STAG1: variants seen among roughly 807,000 people sequenced by gnomAD.
STAG1 encodes the protein STAG1 cohesin complex component, also known as cohesin subunit SA-1.
A neutral mutation model predicts 170.9 loss-of-function variants in STAG1; 26 were observed. The observed-to-expected ratio is 0.15, with a 90% CI of 0.11 to 0.21. STAG1 has a LOEUF of 0.21. Ranked by LOEUF, STAG1 falls within the 10% of genes least tolerant of loss-of-function variation. The pLI, the probability that STAG1 is intolerant of heterozygous loss-of-function variation, is 1.00. For missense variants in STAG1, 964 were observed against 1,509.5 expected, an observed-to-expected ratio of 0.64 and a Z score of 5.99; for synonymous variants, 514 against 497.7, an observed-to-expected ratio of 1.03 and a Z score of -0.44.
chr3:136,674,430 A>G (rs2107879605), intron 1 of STAG1, among the ~76,000 whole-genome samples: 1 of 152,332 alleles, frequency 6.6e-6, no homozygotes, highest in African/African-American at 2.4e-5. Flanking sequence ...ATCTATGTGA[A>G]ATTCTGTAGA....
intron 13 of STAG1, among the ~76,000 whole-genome samples, chr3:136,462,509 G>A (rs2089302471): frequency 6.6e-6 from 1 of 152,176 alleles, no homozygotes; most frequent in Non-Finnish European, 1.5e-5. Flanking sequence ...TGGAGGGGCA[G>A]TAGAATGATC....
rs372736515 is a variant in STAG1, at chr3:136,497,595, C to T, written c.902+2628G>A. Among the ~76,000 whole-genome samples the T allele has an allele frequency of 2.2e-4, 34 of 152,230 alleles. No homozygotes were observed. In the East Asian group the frequency reaches 6.4e-3, roughly 29 times the overall value. On this transcript the variant is annotated intron_variant, in intron 9 of 33. Coordinates refer to ENST00000383202, the MANE Select transcript of STAG1 (RefSeq NM_005862.3). Reference sequence around the variant, plus strand: ...ATGGCTCATGCCTGTAACCCCAGCACTTTGGGAGGCCGAGGCGGGCGGATC... The same window carrying T: ...ATGGCTCATGCCTGTAACCCCAGCATTTTGGGAGGCCGAGGCGGGCGGATC...
At chr3:136,723,033 C>G (rs1174681305) in intron 1 of STAG1, among the ~76,000 whole-genome samples, 2 of 152,158 alleles carry the variant, frequency 1.3e-5, no homozygotes, top group Admixed American at 6.6e-5. Flanking sequence ...GCGTGATCTC[C>G]GCTCGCTACA....
At chr3:136,618,401 A>G (rs1939692628) in intron 3 of STAG1, among the ~76,000 whole-genome samples, 1 of 152,156 alleles carries the variant, frequency 6.6e-6, no homozygotes, top group Non-Finnish European at 1.5e-5. Flanking sequence ...GTAAGGGCGC[A>G]CCCTTCTATA....
chr3:136,596,302 CA>C (rs1183684794), intron 4 of STAG1, among the ~76,000 whole-genome samples: 1 of 152,186 alleles, frequency 6.6e-6, no homozygotes, highest in Non-Finnish European at 1.5e-5. Flanking sequence ...GATCAGTCGG[CA>C]GCTATCAACA....
chr3:136,659,842 T>C (rs996186797), intron 1 of STAG1, among the ~76,000 whole-genome samples: 34 of 152,180 alleles, frequency 2.2e-4, no homozygotes, highest in Non-Finnish European at 3.1e-4. Context: ...AAAATTGTCA[T>C]GAAATCTTAC....
At chr3:136,704,464 A>G (rs1247871304) in intron 1 of STAG1, among the ~76,000 whole-genome samples, 1 of 152,198 alleles carries the variant, frequency 6.6e-6, no homozygotes, top group Admixed American at 6.5e-5. Context: ...TGCAAACAGT[A>G]ACCAAAAGAG....
intron 5 of STAG1, among the ~76,000 whole-genome samples, chr3:136,545,069 G>A (rs1192084083): frequency 4.6e-5 from 7 of 150,896 alleles, no homozygotes; most frequent in Non-Finnish European, 8.8e-5. Flanking sequence ...TTTTTTTTGA[G>A]ATTGTGTCTT....
intron 3 of STAG1, among the ~76,000 whole-genome samples, chr3:136,615,311 A>C (rs1050832851): frequency 3.3e-5 from 5 of 150,914 alleles, no homozygotes; most frequent in Non-Finnish European, 7.4e-5. Context: ...ATAAAATATT[A>C]GGTGTAATAT....
At chr3:136,741,186 T>A (rs1934651069) in intron 1 of STAG1, among the ~76,000 whole-genome samples, 1 of 152,236 alleles carries the variant, frequency 6.6e-6, no homozygotes, top group Non-Finnish European at 1.5e-5. Context: ...GGGATTTCAC[T>A]ACTTGTGCAG....
Position 136,349,114 on chromosome 3 carries a change from T to C in STAG1, c.3271+44A>G, listed in dbSNP as rs752097449. 5 of 1,443,632 alleles carry C rather than the reference T, an allele frequency of 3.5e-6. No homozygotes were observed. The African/African-American group carries it at 5.6e-5, about 16-fold the overall frequency. The allele number at this position is 1,443,632 out of a possible 1,614,324, so 89.4% of individuals were successfully genotyped here. On this transcript the variant is annotated intron_variant, in intron 29 of 33. Transcript: ENST00000383202. ...AAGATTATTTACTACTTTATCTCTT[T>C]AAAACCAGGCAAATTGTTTCTTATA... is the stretch of plus-strand genomic sequence containing the variant.
intron 12 of STAG1, among the ~76,000 whole-genome samples, chr3:136,465,326 TC>T (rs2089421630): frequency 6.6e-6 from 1 of 150,842 alleles, no homozygotes; most frequent in Non-Finnish European, 1.5e-5. Context: ...TTCAACTGAT[TC>T]TCCTGCCTCA....
chr3:136,470,679 G>T (rs529521000), intron 12 of STAG1, among the ~76,000 whole-genome samples: 2 of 152,274 alleles, frequency 1.3e-5, no homozygotes, highest in South Asian at 4.1e-4. Context: ...TAAGACACAT[G>T]CATACATATG....
chr3:136,716,523 G>T (rs991707348), intron 1 of STAG1, among the ~76,000 whole-genome samples: 6 of 152,206 alleles, frequency 3.9e-5, no homozygotes, highest in African/African-American at 1.4e-4. Context: ...GCTCATGCTT[G>T]TAATGCCAAC....
chr3:136,540,440 T>C (rs904946394), intron 6 of STAG1, among the ~76,000 whole-genome samples: 1 of 152,200 alleles, frequency 6.6e-6, no homozygotes, highest in Non-Finnish European at 1.5e-5. Context: ...GTAATTTCAC[T>C]TGCAACGTAA....
At chr3:136,553,511 CATGCCTGTA>C (rs1276009099) in intron 5 of STAG1, among the ~76,000 whole-genome samples, 1 of 152,046 alleles carries the variant, frequency 6.6e-6, no homozygotes, top group Non-Finnish European at 1.5e-5. Flanking sequence ...TGTGGTGGCT[CATGCCTGTA>C]ATCCCAGCAC....
At chr3:136,478,715 G>A (rs1363458934) in intron 9 of STAG1, among the ~76,000 whole-genome samples, 1 of 152,096 alleles carries the variant, frequency 6.6e-6, no homozygotes, top group South Asian at 2.1e-4. Context: ...ATAAAAACAG[G>A]GAAAACATTC....
intron 21 of STAG1, among the ~76,000 whole-genome samples, chr3:136,404,030 C>G (rs1296619181): frequency 6.6e-6 from 1 of 152,206 alleles, no homozygotes; most frequent in African/African-American, 2.4e-5. Flanking sequence ...CTTCTCCTGT[C>G]AAGCTTCACT....
At chr3:136,600,117 G>A (rs1938599741) in intron 4 of STAG1, among the ~76,000 whole-genome samples, 1 of 152,126 alleles carries the variant, frequency 6.6e-6, no homozygotes, top group African/African-American at 2.4e-5. Context: ...TTGATTTCCT[G>A]TAAGTGATGT....
Sources: allele counts gnomAD v4.1 joint callset (sites outside exome capture counted in the v4.1 genomes callset), GRCh38; gene constraint gnomAD v4.1.1; transcripts MANE v1.5; gene names NCBI Gene and HGNC (gene_info 2026-07-23, HGNC 2026-07-21).